Variants in BCCIP observed in about 807,000 individuals in gnomAD.
BCCIP encodes the protein BRCA2 and CDKN1A-interacting protein.
Under a neutral mutation model 32.8 loss-of-function variants are expected in BCCIP, and 23 were observed. The ratio of observed to expected loss-of-function variants is 0.70; its 90% CI spans 0.51 to 0.99. BCCIP has a LOEUF of 0.99. Among genes scored for constraint, BCCIP ranks in the 50% least tolerant of loss-of-function variants. BCCIP has a pLI of 0.00. For synonymous variants in BCCIP, 144 were observed against 137.6 expected (o/e 1.05, Z -0.33); for missense variants, 378 against 379.8 (o/e 1.00, Z 0.04).
At chr10:125,852,343 T>G (rs773503819) in intron 7 of BCCIP, 2 of 1,614,204 alleles carry the variant, frequency 1.2e-6, no homozygotes. Flanking sequence ...GTCTATCCTC[T>G]TCATAAAAAG....
Position 125,823,741 on chromosome 10 carries a change from C to A in BCCIP, c.165+19C>A. ...TGACGAGGTGAGAAGGACACGCTCC[C>A]CTAGTTGGTTTATACCTGAGAAAAA... On this transcript the variant is annotated intron_variant, in intron 1 of 6. Coordinates refer to ENST00000278100, the MANE Select transcript of BCCIP (RefSeq NM_078468.3). The A allele has an allele frequency of 6.2e-7, 1 of 1,613,314 alleles. No individual in the cohort carries two copies. Among genetic ancestry groups the A allele is most frequent in the South Asian group, 1.1e-5 (1 of 90,982 alleles).
At chr10:125,826,961 G>A (rs371487300) in intron 2 of BCCIP, among the ~76,000 whole-genome samples, 31 of 149,494 alleles carry the variant, frequency 2.1e-4, no homozygotes, top group East Asian at 1.8e-3. Flanking sequence ...GTGCCATTGA[G>A]CTCCAGTCTG....
chr10:125,827,314 G>A (rs751003532), intron 2 of BCCIP, among the ~76,000 whole-genome samples: 1 of 151,420 alleles, frequency 6.6e-6, no homozygotes, highest in Non-Finnish European at 1.5e-5. Context: ...ATCCTCTCTC[G>A]TTTCTCCCTT....
At chr10:125,851,920 CA>C (rs56380138) in intron 7 of BCCIP, among the ~76,000 whole-genome samples, 41,685 of 86,894 alleles carry the variant, frequency 0.48, 6,805 homozygotes, top group Middle Eastern at 0.64. Context: ...GACCCTGTCT[CA>C]AAAAAAAAAA....
At chr10:125,841,264 A>G, downstream of BCCIP, 1 of 1,614,128 alleles carries the variant, frequency 6.2e-7, no homozygotes, top group Non-Finnish European at 8.5e-7. Context: ...GGAGCAGGGA[A>G]AACCTGAGGT....
chr10:125,849,518 C>T (rs923933756), intron 7 of BCCIP, among the ~76,000 whole-genome samples: 1 of 152,186 alleles, frequency 6.6e-6, no homozygotes, highest in African/African-American at 2.4e-5. Context: ...TTTGTGTAGC[C>T]TTTAAACAGA....
At chr10:125,832,020 G>A (rs1854532714) in intron 5 of BCCIP, among the ~76,000 whole-genome samples, 1 of 152,168 alleles carries the variant, frequency 6.6e-6, no homozygotes, top group Non-Finnish European at 1.5e-5. Flanking sequence ...TCCTGATACT[G>A]TGGCTAGCTT....
downstream of BCCIP, chr10:125,838,412 A>G (rs772115910): frequency 4.5e-6 from 7 of 1,543,040 alleles, no homozygotes; most frequent in South Asian, 8.8e-5. Context: ...TTTAAAGAAA[A>G]AAGATTTTGT....
chr10:125,844,987 C>A (rs147932500), downstream of BCCIP, among the ~76,000 whole-genome samples: 2 of 152,190 alleles, frequency 1.3e-5, no homozygotes, highest in Admixed American at 1.3e-4. Context: ...TTCTGTGGAA[C>A]CCCAAATGCC....
downstream of BCCIP, among the ~76,000 whole-genome samples, chr10:125,843,528 C>T (rs1025662809): frequency 2.6e-5 from 4 of 152,038 alleles, no homozygotes; most frequent in East Asian, 5.8e-4. Flanking sequence ...AGGAGAATGG[C>T]GTGAACCCAG....
At chr10:125,836,020 A>T in intron 6 of BCCIP, 84 bp from the exon 7 acceptor site, 1 of 1,255,706 alleles carries the variant, frequency 8.0e-7, no homozygotes, top group Non-Finnish European at 1.1e-6. Flanking sequence ...CATATGCCAA[A>T]CGTAATATTC....
At chr10:125,850,354 CTTTTTTTTTTTT>C (rs765077777) in intron 7 of BCCIP, among the ~76,000 whole-genome samples, 3 of 124,560 alleles carry the variant, frequency 2.4e-5, no homozygotes, top group East Asian at 4.4e-4. Flanking sequence ...TTCTTTCTTT[CTTTTTTTTTTTT>C]TTTTTTTTGA....
chr10:125,831,367 G>A, intron 4 of BCCIP, 53 bp from the exon 5 acceptor site: 1 of 1,552,410 alleles, frequency 6.4e-7, no homozygotes, highest in East Asian at 2.3e-5. Context: ...CTCAGGTTTT[G>A]TCCTCTATGT....
intron 5 of BCCIP, among the ~76,000 whole-genome samples, 162 bp from the exon 6 acceptor site, chr10:125,833,610 T>C (rs1178705512): frequency 2.0e-5 from 3 of 152,218 alleles, no homozygotes; most frequent in Non-Finnish European, 4.4e-5. Context: ...TGCAACTGAT[T>C]ATGTAAATAA....
downstream of BCCIP, chr10:125,841,427 G>C: frequency 6.3e-7 from 1 of 1,578,436 alleles, no homozygotes; most frequent in Non-Finnish European, 8.6e-7. Context: ...AACATTATTT[G>C]GGGAAAAACA....
downstream of BCCIP, chr10:125,841,285 C>A: frequency 6.2e-7 from 1 of 1,614,038 alleles, no homozygotes; most frequent in Non-Finnish European, 8.5e-7. Flanking sequence ...GCTTGGAGGT[C>A]CAGACACAAG....
At position 125,827,617 on chromosome 10, in the gene BCCIP, C is replaced by T; in HGVS notation, c.300C>T (p.Asn100=). 6 of 1,610,766 alleles carry T rather than the reference C, an allele frequency of 3.7e-6. No individual in the cohort carries two copies. Among genetic ancestry groups the T allele is most frequent in the Non-Finnish European group, 5.1e-6 (6 of 1,177,056 alleles). ...AELTDLLIQQ[N]HIGSVIKQTD... Reference sequence around the variant, plus strand: ...TAACAGATCTCTTAATTCAACAGAACCATATTGGGAGTGTGATTAAGGTAA... The same window carrying T: ...TAACAGATCTCTTAATTCAACAGAATCATATTGGGAGTGTGATTAAGGTAA... The change falls in exon 3 of 7, where the codon AAC becomes AAT. Residue 100 remains asparagine (N), a synonymous_variant. Coordinates refer to ENST00000278100, the MANE Select transcript of BCCIP (RefSeq NM_078468.3).
intron 5 of BCCIP, 161 bp downstream of exon 5, chr10:125,831,768 CATT>C (rs773657797): frequency 5.4e-5 from 29 of 537,194 alleles, no homozygotes; most frequent in Non-Finnish European, 8.1e-5. Context: ...GAAGTACATA[CATT>C]ATTAACAACT....
chr10:125,851,802 T>C (rs1944092442), intron 7 of BCCIP, among the ~76,000 whole-genome samples: 1 of 151,544 alleles, frequency 6.6e-6, no homozygotes, highest in African/African-American at 2.4e-5. Context: ...GCACCTGTGG[T>C]CCCAGCTATT....
Sources: gnomAD v4.1 joint callset for allele counts (sites outside exome capture counted in the v4.1 genomes callset) on GRCh38, gnomAD v4.1.1 for gene constraint, MANE v1.5 for transcripts, NCBI Gene and HGNC (gene_info 2026-07-23, HGNC 2026-07-21) for gene names.